PCSK7: variants seen among roughly 807,000 people sequenced by gnomAD.
The protein encoded by PCSK7 is lymphoma proprotein convertase.
PCSK7 carries 38 observed loss-of-function variants against 73.3 expected under a neutral mutation model. The ratio of observed to expected loss-of-function variants is 0.52; its 90% CI spans 0.40 to 0.68. PCSK7 has a LOEUF of 0.68. Ranked by LOEUF, PCSK7 falls within the 30% of genes least tolerant of loss-of-function variation. PCSK7 has a pLI of 0.00. For missense variants in PCSK7, 692 were observed against 991.5 expected (o/e 0.70, Z 4.06); for synonymous variants, 296 against 383.8 (o/e 0.77, Z 2.68).
rs779976613 is a variant in PCSK7 at position 117,229,523 on chromosome 11, G to C, written c.322C>G (p.Leu108Val). The change falls in exon 3 of 17, where the codon CTG becomes GTG. Residue 108 changes from leucine (L) to valine (V), a missense_variant. Around this residue, in one of 6 missense-constraint regions of PCSK7, gnomAD observed 574 missense variants for 689.8 expected, o/e 0.83. Transcript: ENST00000320934. ...FVQPAGHRPA[L>V]EVEAIRQQVE... ...TGCTGCCGGATGGCCTCCACCTCCA[G>C]GGCCGGCCTGTGCCCAGCAGGCTGG... The C allele has an allele frequency of 3.1e-6, 5 of 1,613,038 alleles. No individual in the cohort carries two copies. The highest frequency in any genetic ancestry group is 1.7e-5 in the Admixed American group (1 of 60,038).
intron 12 of PCSK7, chr11:117,210,978 C>G (rs1236022362): frequency 2.0e-5 from 3 of 152,122 alleles, no homozygotes; most frequent in Admixed American, 6.6e-5. Context: ...AGTACAATAC[C>G]TTGATTTTAC....
intron 12 of PCSK7, chr11:117,210,321 T>G (rs1247472817): frequency 2.6e-5 from 4 of 151,300 alleles, no homozygotes; most frequent in Non-Finnish European, 2.9e-5. Context: ...AAGACTCAAC[T>G]GGGGACTATT....
chr11:117,219,487 G>T, intron 10 of PCSK7, 104 bp downstream of exon 10: 1 of 1,119,524 alleles, frequency 8.9e-7, no homozygotes, highest in Non-Finnish European at 1.3e-6. Flanking sequence ...CTCTGAAAGA[G>T]ACTTAGTATC....
chr11:117,224,965 C>G (rs750099662), intron 6 of PCSK7: 9 of 531,336 alleles, frequency 1.7e-5, no homozygotes, highest in East Asian at 1.3e-4. Flanking sequence ...TAAGGCTCTT[C>G]TTTTCCTTGT....
Position 117,204,965 on chromosome 11 carries a change from A to G in PCSK7, c.*1032T>C, listed in dbSNP as rs1000988515. 3 of 199,896 alleles carry G rather than the reference A, an allele frequency of 1.5e-5. No individual in the cohort carries two copies. Among genetic ancestry groups the G allele is most frequent in the East Asian group, 8.0e-5 (1 of 12,526 alleles). The allele number at this position is 199,896 out of a possible 1,614,324, so 12.4% of individuals were successfully genotyped here. On this transcript the variant is annotated 3_prime_UTR_variant, in exon 17 of 17. Coordinates refer to ENST00000320934, the MANE Select transcript of PCSK7 (RefSeq NM_004716.4). ...CAGATTCTTTCAGAGGAAACAGGCC[A>G]TAGAACAGGAGAGTGAATCTTGGGG...
Position 117,208,940 on chromosome 11 carries a change from T to G in PCSK7, c.1648A>C (p.Ser550Arg), listed in dbSNP as rs1591788033. The stretch of plus-strand genomic sequence containing the variant: ...GCGCCGATGAGGGACATCATGCCAC[T>G]GGGGCAGAACAGCTTCAGCTCCAAG... ...GSLELKLFCP[S>R]GMMSLIGAPR... The change falls in exon 13 of 17, where the codon AGT becomes CGT. Residue 550 changes from serine to arginine, a missense_variant. By Grantham distance (110) the Ser-to-Arg change is moderately radical. Coordinates refer to ENST00000320934, the MANE Select transcript of PCSK7 (RefSeq NM_004716.4). The G allele has an allele frequency of 6.2e-7, 1 of 1,613,014 alleles. No homozygotes were observed. Among genetic ancestry groups the G allele is most frequent in the South Asian group, 1.1e-5 (1 of 90,752 alleles).
At chr11:117,223,546 T>C (rs2032290264) in intron 8 of PCSK7, 1 of 552,436 alleles carries the variant, frequency 1.8e-6, no homozygotes, top group Non-Finnish European at 3.2e-6. Flanking sequence ...GGGGTACAAC[T>C]GGCAGCCTTC....
Position 117,219,720 on chromosome 11 carries a change from G to A in PCSK7, c.1194C>T (p.Cys398=). The A allele has an allele frequency of 1.9e-6, 3 of 1,600,314 alleles. No homozygotes were observed. Among genetic ancestry groups the A allele is most frequent in the African/African-American group, 1.3e-5 (1 of 74,296 alleles). The change falls in exon 10 of 17, where the codon TGC becomes TGT. Residue 398 remains cysteine (C), a synonymous_variant. Coordinates refer to ENST00000320934, the MANE Select transcript of PCSK7 (RefSeq NM_004716.4). ...CTGAGGTCCCTGTGTGGCCCTCAGT[G>A]CAGCCAGTGCCCTTCTGAAGGTCCC... The part of the protein sequence containing the change: ...TDWDLQKGTG[C]TEGHTGTSAA...
intron 7 of PCSK7, 78 bp from the exon 8 acceptor site, chr11:117,224,294 C>T: frequency 1.4e-6 from 2 of 1,456,076 alleles, no homozygotes; most frequent in South Asian, 1.2e-5. Flanking sequence ...TCACCCTCTC[C>T]ACCCCTTCTA....
At chr11:117,228,092 C>G in intron 4 of PCSK7, 124 bp downstream of exon 4, 5 of 889,820 alleles carry the variant, frequency 5.6e-6, no homozygotes, top group Non-Finnish European at 8.7e-6. Context: ...AGGATGAACC[C>G]CATCCCACCT....
Position 117,226,353 on chromosome 11 carries a change from C to T in PCSK7, c.770-332G>A, listed in dbSNP as rs1387050156. On this transcript the variant is annotated intron_variant, in intron 5 of 16. Transcript: ENST00000320934. The stretch of plus-strand genomic sequence containing the variant: ...GTTTCACCATATTGGTCAGGCTGGT[C>T]TCGAACTCCTGACCTCAAGTGATCT... 7 of 294,214 alleles carry T rather than the reference C, an allele frequency of 2.4e-5. No homozygotes were observed. In the Admixed American group the frequency reaches 3.0e-4, roughly 13 times the overall value. 18.2% of individuals were successfully genotyped at this position (294,214 alleles called of 1,614,324 possible).
At chr11:117,224,610 G>T in intron 7 of PCSK7, 91 bp downstream of exon 7, 1 of 1,014,310 alleles carries the variant, frequency 9.9e-7, no homozygotes, top group South Asian at 1.3e-5. Context: ...CGTGGAGGTG[G>T]AGTGGGAAGA....
At chr11:117,212,394 T>TTTTTC (rs1444515388) in intron 12 of PCSK7, 3 of 146,904 alleles carry the variant, frequency 2.0e-5, no homozygotes, top group Non-Finnish European at 4.4e-5. Context: ...ATCACAGTTT[T>TTTTTC]TTTTCTTTTC....
At chr11:117,207,888 C>T (rs76088263) in intron 14 of PCSK7, 82 bp downstream of exon 14, 133,508 of 526,894 alleles carry the variant, frequency 0.25, 269 homozygotes, top group Non-Finnish European at 0.31. Flanking sequence ...ACACGGGACA[C>T]TTTCTGTGGG....
At chr11:117,224,939 G>C in intron 6 of PCSK7, 184 bp from the exon 7 acceptor site, 1 of 604,312 alleles carries the variant, frequency 1.7e-6, no homozygotes, top group East Asian at 2.8e-5. Flanking sequence ...CTCCAAAGTG[G>C]AAAACAGAAG....
At chr11:117,219,817 G>A (rs2032122915) in intron 9 of PCSK7, 59 bp from the exon 10 acceptor site, 1 of 1,353,874 alleles carries the variant, frequency 7.4e-7, no homozygotes, top group Non-Finnish European at 1.0e-6. Flanking sequence ...TGGGGACAGT[G>A]GTGTGCACCT....
chr11:117,227,408 G>A, intron 4 of PCSK7, 86 bp from the exon 5 acceptor site: 1 of 1,021,428 alleles, frequency 9.8e-7, no homozygotes, highest in Admixed American at 1.8e-5. Context: ...GGAAATGGGA[G>A]TTTGGGAATC....
chr11:117,228,341 G>A lies in PCSK7; in HGVS notation c.478C>T (p.Arg160Trp), dbSNP rs750946251. The A allele has an allele frequency of 1.3e-5, 21 of 1,613,816 alleles. No individual in the cohort carries two copies. Among genetic ancestry groups the A allele is most frequent in the South Asian group, 2.2e-5 (2 of 91,070 alleles). ...YPQQWHLNNR[R>W]SPGRDINVTG... ...ACGTTGATGTCCCTGCCCGGGCTCC[G>A]TCGGTTATTCTGTAAGAGAGACAGG... The change falls in exon 4 of 17, where the codon CGG (arginine) becomes TGG (tryptophan). Residue 160 changes from arginine (R) to tryptophan (W), a missense_variant. By Grantham distance (101) the Arg-to-Trp change is moderately radical. Coordinates refer to ENST00000320934, the MANE Select transcript of PCSK7 (RefSeq NM_004716.4).
Position 117,228,128 on chromosome 11 carries a change from G to C in PCSK7, c.603+88C>G, listed in dbSNP as rs2032500743. 162 of 1,327,828 alleles carry C rather than the reference G, an allele frequency of 1.2e-4. 2 individuals carry two copies. The South Asian group carries it at 2.0e-3, about 16-fold the overall frequency. The allele number at this position is 1,327,828 out of a possible 1,614,324, so 82.3% of individuals were successfully genotyped here. On this transcript the variant is annotated intron_variant, in intron 4 of 16. Transcript: ENST00000320934. ...CCCAGGCTCTTTTATTTGGCCCAAA[G>C]ACCTCTAGAAAAGGGGACAAGACTG...
Sources: gnomAD v4.1 joint callset for allele counts on GRCh38, gnomAD v4.1.1 for gene constraint, gnomAD v4.1.1 regional missense constraint, MANE v1.5 for transcripts, NCBI Gene and HGNC (gene_info 2026-07-23, HGNC 2026-07-21) for gene names.